Variants in CDH18 observed in about 807,000 individuals in gnomAD.
CDH18 encodes the protein cadherin-18.
CDH18 carries 31 observed loss-of-function variants against 67.9 expected under a neutral mutation model. The observed-to-expected ratio is 0.46, with a 90% CI of 0.34 to 0.62. The LOEUF is 0.62. Among genes scored for constraint, CDH18 ranks in the 20% least tolerant of loss-of-function variants. The pLI, the probability that CDH18 is intolerant of heterozygous loss-of-function variation, is 0.01. For missense variants in CDH18, 890 were observed against 975.5 expected (o/e 0.91, Z 1.17); for synonymous variants, 362 against 347.2 (o/e 1.04, Z -0.48).
intron 1 of CDH18, among the ~76,000 whole-genome samples, chr5:20,440,228 A>T: frequency 6.6e-6 from 1 of 151,840 alleles, no homozygotes; most frequent in East Asian, 1.9e-4. Flanking sequence ...GACTGAGGCC[A>T]TGATCTGACT....
At chr5:20,530,702 G>A (rs1756347135) in intron 1 of CDH18, among the ~76,000 whole-genome samples, 1 of 152,028 alleles carries the variant, frequency 6.6e-6, no homozygotes, top group Admixed American at 6.5e-5. Context: ...AATTGAAACT[G>A]TTCCCCTTCT....
intron 4 of CDH18, among the ~76,000 whole-genome samples, chr5:19,746,548 A>C (rs189538774): frequency 6.6e-6 from 1 of 152,330 alleles, no homozygotes; most frequent in East Asian, 1.9e-4. Context: ...TGGAGACAAA[A>C]ATTTCAGACA....
rs1581135084 is a variant in CDH18 at position 20,513,981 on chromosome 5, A to T, written c.-580+61481T>A. Among the ~76,000 whole-genome samples the T allele has an allele frequency of 3.3e-5, 5 of 152,302 alleles. 1 individual carries two copies. The highest frequency in any genetic ancestry group is 1.2e-4 in the African/African-American group (5 of 41,578). ...TCACAAAAATGTTGCTGATAATAAA[A>T]TGCACTATGATATTCCCATAGTGCT... On this transcript the variant is annotated intron_variant, in intron 1 of 14. Transcript: ENST00000507958.
intron 3 of CDH18, among the ~76,000 whole-genome samples, chr5:19,816,201 T>C (rs1779269783): frequency 6.6e-6 from 1 of 151,822 alleles, no homozygotes; most frequent in South Asian, 2.1e-4. Context: ...TTTGGTCTCT[T>C]ATCTATTCTT....
intron 1 of CDH18, among the ~76,000 whole-genome samples, chr5:20,531,614 T>C (rs1263592813): frequency 1.3e-5 from 2 of 152,090 alleles, no homozygotes; most frequent in African/African-American, 4.8e-5. Context: ...CTGGAAGCCA[T>C]TATCCTCAGC....
intron 11 of CDH18, among the ~76,000 whole-genome samples, chr5:19,489,341 G>A (rs1370740395): frequency 4.7e-5 from 7 of 148,210 alleles, no homozygotes; most frequent in South Asian, 2.1e-4. Flanking sequence ...TCCACCTCCC[G>A]GGTTCAAGCG....
chr5:20,158,127 C>T (rs1467405586), intron 2 of CDH18, among the ~76,000 whole-genome samples: 1 of 152,068 alleles, frequency 6.6e-6, no homozygotes, highest in East Asian at 1.9e-4. Context: ...ACGGTTAAAA[C>T]TAGTTATACA....
intron 10 of CDH18, among the ~76,000 whole-genome samples, chr5:19,508,240 T>C (rs1744540949): frequency 1.3e-5 from 2 of 152,130 alleles, no homozygotes; most frequent in Admixed American, 1.3e-4. Flanking sequence ...TTAGAAAATA[T>C]ACCTGGGAAC....
intron 2 of CDH18, among the ~76,000 whole-genome samples, chr5:19,911,790 A>G (rs1791171502): frequency 6.6e-6 from 1 of 152,190 alleles, no homozygotes; most frequent in African/African-American, 2.4e-5. Context: ...GTTCACACCT[A>G]CTTAGACAAT....
At chr5:19,677,804 C>T (rs1278965199) in intron 5 of CDH18, among the ~76,000 whole-genome samples, 2 of 151,660 alleles carry the variant, frequency 1.3e-5, no homozygotes, top group African/African-American at 2.4e-5. Flanking sequence ...TAAAAACTAA[C>T]AAAGATATTT....
chr5:19,492,623 A>C (rs967056744), intron 11 of CDH18, among the ~76,000 whole-genome samples: 1 of 152,112 alleles, frequency 6.6e-6, no homozygotes, highest in Admixed American at 6.5e-5. Flanking sequence ...TCTAACTTAA[A>C]AATCATCTTT....
At chr5:19,961,782 T>C (rs1263424055) in intron 2 of CDH18, among the ~76,000 whole-genome samples, 1 of 152,140 alleles carries the variant, frequency 6.6e-6, no homozygotes, top group Non-Finnish European at 1.5e-5. Flanking sequence ...CATTTTGTTG[T>C]CCTGATTCCA....
chr5:19,898,277 T>A (rs2150104489), intron 2 of CDH18, among the ~76,000 whole-genome samples: 1 of 152,160 alleles, frequency 6.6e-6, no homozygotes, highest in African/African-American at 2.4e-5. Flanking sequence ...AGTATTTATT[T>A]AATGTAGGTC....
At chr5:20,377,544 G>A (rs191448553) in intron 1 of CDH18, among the ~76,000 whole-genome samples, 6 of 152,150 alleles carry the variant, frequency 3.9e-5, no homozygotes, top group Admixed American at 6.5e-5. Flanking sequence ...ATATTAAAAC[G>A]TTAAATAAAT....
rs180883265 is a variant in CDH18, at chr5:20,552,338, G to A, written c.-580+23124C>T. Among the ~76,000 whole-genome samples the A allele has an allele frequency of 8.8e-3, 1,334 of 152,128 alleles. 16 individuals are homozygous for A. The highest frequency in any genetic ancestry group is 0.014 in the Non-Finnish European group (947 of 67,996). On this transcript the variant is annotated intron_variant, in intron 1 of 14. Coordinates refer to the CDH18 transcript ENST00000507958. ...CTAAAAATACAAAAATTAGCTGGGC[G>A]TGGTCGTGGGCGCCTGTTATCCCAG... is the stretch of plus-strand genomic sequence containing the variant.
chr5:20,512,171 C>T (rs1204952383), intron 1 of CDH18, among the ~76,000 whole-genome samples: 3 of 151,974 alleles, frequency 2.0e-5, no homozygotes, highest in South Asian at 2.1e-4. Flanking sequence ...TGCAGTAGGC[C>T]GAGATCAGGC....
At chr5:20,304,585 G>C (rs1432898774) in intron 1 of CDH18, 2 of 1,612,058 alleles carry the variant, frequency 1.2e-6, no homozygotes, top group East Asian at 2.2e-5. Context: ...TCCAGTCAGG[G>C]GGACAGAGCT....
intron 2 of CDH18, among the ~76,000 whole-genome samples, chr5:20,006,229 G>C (rs1198239784): frequency 1.3e-5 from 2 of 151,794 alleles, no homozygotes; most frequent in Non-Finnish European, 1.5e-5. Context: ...AGAAGAATTA[G>C]AGATGGCAAG....
intron 8 of CDH18, among the ~76,000 whole-genome samples, chr5:19,552,423 C>T (rs774426801): frequency 6.6e-6 from 1 of 152,076 alleles, no homozygotes; most frequent in Non-Finnish European, 1.5e-5. Flanking sequence ...AAAAGCAAAG[C>T]AACTACTTTG....
Sources: allele counts gnomAD v4.1 joint callset (sites outside exome capture counted in the v4.1 genomes callset), GRCh38; gene constraint gnomAD v4.1.1; transcripts MANE v1.5; gene names NCBI Gene and HGNC (gene_info 2026-07-23, HGNC 2026-07-21).